The following FAM13B variants were observed in gnomAD, a reference collection of about 807,000 sequenced individuals.
FAM13B encodes the protein family with sequence similarity 13 member B.
Under a neutral mutation model 117.3 loss-of-function variants are expected in FAM13B, and 60 were observed. That is an observed-to-expected ratio of 0.51 (90% CI 0.42 to 0.63). FAM13B has a LOEUF of 0.63. Ranked by LOEUF, FAM13B falls within the 30% of genes least tolerant of loss-of-function variation. The probability of loss-of-function intolerance (pLI) is 0.00; values close to 1 mark genes in which losing one functional copy is unlikely to be tolerated. For synonymous variants in FAM13B, 332 were observed against 356.1 expected (o/e 0.93, Z 0.76); for missense variants, 972 against 1,091.9 (o/e 0.89, Z 1.55).
chr5:137,959,251 C>A (rs539184366), intron 13 of FAM13B, among the ~76,000 whole-genome samples: 1 of 152,294 alleles, frequency 6.6e-6, no homozygotes, highest in South Asian at 2.1e-4. Context: ...ATTATACACG[C>A]TCTGCTTAAA....
At chr5:138,037,205 C>G (rs1791248320), upstream of FAM13B, 1 of 153,042 alleles carries the variant, frequency 6.5e-6, no homozygotes, top group Admixed American at 6.5e-5. Context: ...ATAGACCAAT[C>G]CTTTGTGTTT....
intron 10 of FAM13B, among the ~76,000 whole-genome samples, chr5:137,982,033 G>A (rs921483340): frequency 6.6e-5 from 10 of 152,144 alleles, no homozygotes; most frequent in Non-Finnish European, 1.0e-4. Flanking sequence ...CCAATATTCC[G>A]TAGTGCCTAT....
intron 6 of FAM13B, 66 bp downstream of exon 6, chr5:138,010,942 A>G: frequency 7.4e-7 from 1 of 1,350,620 alleles, no homozygotes; most frequent in Non-Finnish European, 9.6e-7. Context: ...CAAGTCTTTA[A>G]GAGCATATTA....
At chr5:137,946,029 C>A (rs770746185) in intron 19 of FAM13B, 32 bp from the exon 20 acceptor site, 22 of 1,536,654 alleles carry the variant, frequency 1.4e-5, no homozygotes, top group Non-Finnish European at 1.8e-5. Flanking sequence ...ATTGTCTAGT[C>A]ATCACAAATC....
intron 14 of FAM13B, among the ~76,000 whole-genome samples, chr5:137,955,648 T>A (rs1766299755): frequency 6.6e-6 from 1 of 152,196 alleles, no homozygotes; most frequent in African/African-American, 2.4e-5. Context: ...TTTATTTTTT[T>A]AGAGATGGAG....
intron 1 of FAM13B, 75 bp from the exon 2 acceptor site, chr5:138,021,272 T>C (rs938873278): frequency 9.1e-7 from 1 of 1,104,314 alleles, no homozygotes; most frequent in African/African-American, 1.6e-5. Context: ...GAAGCAGCAG[T>C]ACAGTCCTCT....
intron 10 of FAM13B, among the ~76,000 whole-genome samples, chr5:137,969,053 A>G (rs914297802): frequency 1.6e-4 from 25 of 152,354 alleles, no homozygotes; most frequent in Admixed American, 1.3e-3. Flanking sequence ...GCCATTGCCC[A>G]GGCTTGCTTA....
chr5:138,017,079 A>C (rs947206078), intron 4 of FAM13B, among the ~76,000 whole-genome samples: 4 of 152,254 alleles, frequency 2.6e-5, no homozygotes, highest in Admixed American at 6.5e-5. Context: ...AAAAAAGGGT[A>C]GCCTTACTAA....
rs1790553725 is a variant in FAM13B, at chr5:138,032,937, G to A, written c.-358C>T. The A allele has an allele frequency of 2.0e-6, 2 of 985,890 alleles. No individual in the cohort carries two copies. Among genetic ancestry groups the A allele is most frequent in the South Asian group, 4.7e-5 (1 of 21,318 alleles). 61.1% of individuals were successfully genotyped at this position (985,890 alleles called of 1,614,324 possible). A position where few individuals can be genotyped will look rare whatever the true frequency, so the allele number is the denominator to read the frequency against. On this transcript the variant is annotated 5_prime_UTR_variant, in exon 1 of 24. Coordinates refer to ENST00000689681, the MANE Select transcript of FAM13B (RefSeq NM_001385994.1). ...ACGGGAGGTTAAAGCTACGGCTGTG[G>A]CGCGGGGCCAGCCCGGTAAGCGACC...
chr5:137,966,498 GAGA>G (rs1769963243), intron 10 of FAM13B, among the ~76,000 whole-genome samples: 1 of 133,134 alleles, frequency 7.5e-6, no homozygotes, highest in Non-Finnish European at 1.6e-5. Flanking sequence ...TAGAGAGAGA[GAGA>G]GAGAGAGAGA....
intron 1 of FAM13B, among the ~76,000 whole-genome samples, chr5:138,024,124 G>A (rs958640807): frequency 2.6e-5 from 4 of 152,142 alleles, no homozygotes; most frequent in Middle Eastern, 3.4e-3. Context: ...CATCTGTGGT[G>A]GGTTGAATAG....
At chr5:137,963,880 A>C (rs1310234457) in intron 10 of FAM13B, among the ~76,000 whole-genome samples, 1 of 152,170 alleles carries the variant, frequency 6.6e-6, no homozygotes, top group African/African-American at 2.4e-5. Context: ...GTGAGGTAGA[A>C]CAGTTTCATC....
At chr5:137,975,692 C>T (rs936352235) in intron 10 of FAM13B, among the ~76,000 whole-genome samples, 1 of 152,148 alleles carries the variant, frequency 6.6e-6, no homozygotes, top group Non-Finnish European at 1.5e-5. Flanking sequence ...CTATATATCC[C>T]CTTTTACTGA....
At chr5:137,966,549 A>C (rs2150348403) in intron 10 of FAM13B, among the ~76,000 whole-genome samples, 1 of 148,382 alleles carries the variant, frequency 6.7e-6, no homozygotes, top group Non-Finnish European at 1.5e-5. Context: ...AAACTCTTAA[A>C]ACTCAACAAT....
intron 1 of FAM13B, among the ~76,000 whole-genome samples, chr5:138,045,287 C>T (rs939722651): frequency 1.7e-4 from 26 of 151,954 alleles, no homozygotes; most frequent in African/African-American, 5.8e-4. Flanking sequence ...TAATCCTAGC[C>T]CTTTGGGAGG....
intron 1 of FAM13B, among the ~76,000 whole-genome samples, chr5:138,045,532 CAAAAACAA>C (rs1411363417): frequency 1.3e-5 from 2 of 150,572 alleles, no homozygotes; most frequent in African/African-American, 4.9e-5. Flanking sequence ...GACCCCATCT[CAAAAACAA>C]AAAAAGAAAA....
chr5:137,973,536 G>A (rs890299206), intron 10 of FAM13B, among the ~76,000 whole-genome samples: 2 of 152,146 alleles, frequency 1.3e-5, no homozygotes, highest in African/African-American at 4.8e-5. Flanking sequence ...TACCATTCAG[G>A]ACATAGGCAT....
At chr5:137,966,342 C>T (rs777507798) in intron 10 of FAM13B, among the ~76,000 whole-genome samples, 4 of 150,814 alleles carry the variant, frequency 2.7e-5, no homozygotes, top group Non-Finnish European at 5.9e-5. Context: ...GAGGCTGAGG[C>T]AGGAGAATCA....
intron 10 of FAM13B, among the ~76,000 whole-genome samples, chr5:137,979,896 T>C (rs954369610): frequency 1.3e-5 from 2 of 151,260 alleles, no homozygotes; most frequent in Non-Finnish European, 2.9e-5. Context: ...GCACGGTGGC[T>C]CACGCCTATA....
Sources: allele counts gnomAD v4.1 joint callset (sites outside exome capture counted in the v4.1 genomes callset), GRCh38; gene constraint gnomAD v4.1.1; transcripts MANE v1.5; gene names NCBI Gene and HGNC (gene_info 2026-07-23, HGNC 2026-07-21).